FOCAD: variants seen among roughly 807,000 people sequenced by gnomAD.
FOCAD encodes the protein KIAA1797.
In FOCAD, 198 loss-of-function variants were observed where a neutral mutation model predicts 225.6. The ratio of observed to expected loss-of-function variants is 0.88; its 90% confidence interval spans 0.78 to 0.99. The LOEUF is 0.99. FOCAD is among the 50% of genes least tolerant of loss of function. The probability of loss-of-function intolerance (pLI) is 0.00; values close to 1 mark genes in which losing one functional copy is unlikely to be tolerated. For synonymous variants in FOCAD, 897 were observed against 755.0 expected, an observed-to-expected ratio of 1.19 and a Z score of -3.08; for missense variants, 2,713 against 2,123.6, an observed-to-expected ratio of 1.28 and a Z score of -5.46.
chr9:20,877,076 T>C (rs1041524998), intron 19 of FOCAD, among the ~76,000 whole-genome samples: 10 of 152,178 alleles, frequency 6.6e-5, no homozygotes, highest in Non-Finnish European at 1.3e-4. Context: ...CACATAACCA[T>C]AGTATGATAT....
intron 5 of FOCAD, among the ~76,000 whole-genome samples, chr9:20,753,774 C>A (rs1312887323): frequency 6.6e-6 from 1 of 151,820 alleles, no homozygotes; most frequent in Non-Finnish European, 1.5e-5. Flanking sequence ...TGTTCTGTAG[C>A]CACTGCATAT....
intron 24 of FOCAD, among the ~76,000 whole-genome samples, chr9:20,923,442 A>G (rs1834638802): frequency 6.6e-6 from 1 of 152,218 alleles, no homozygotes. Context: ...AGGCATAATG[A>G]CCCATACTAC....
intron 2 of FOCAD, among the ~76,000 whole-genome samples, chr9:20,671,962 G>A (rs1822076650): frequency 1.3e-5 from 2 of 151,744 alleles, no homozygotes. Context: ...TTACACCACA[G>A]AAATCAGCAA....
At chr9:20,956,657 C>G (rs1321149717) in intron 35 of FOCAD, among the ~76,000 whole-genome samples, 1 of 152,126 alleles carries the variant, frequency 6.6e-6, no homozygotes, top group Non-Finnish European at 1.5e-5. Context: ...GCATTGGTTT[C>G]TGGACATTTG....
At chr9:20,965,985 T>C (rs1005263608) in intron 35 of FOCAD, among the ~76,000 whole-genome samples, 5 of 152,204 alleles carry the variant, frequency 3.3e-5, no homozygotes, top group East Asian at 1.9e-4. Flanking sequence ...GATGCTGTTA[T>C]GAATATTTGT....
chr9:20,929,126 G>T, intron 26 of FOCAD: 1 of 444,548 alleles, frequency 2.2e-6, no homozygotes, highest in Non-Finnish European at 4.0e-6. Flanking sequence ...CTTGTAATTT[G>T]GTTTTTCAGA....
At chr9:20,663,253 A>C (rs1821788971) in intron 2 of FOCAD, among the ~76,000 whole-genome samples, 1 of 152,062 alleles carries the variant, frequency 6.6e-6, no homozygotes, top group African/African-American at 2.4e-5. Flanking sequence ...TTAGTCAGAC[A>C]TGGTGGCACA....
chr9:20,862,615 C>A lies in FOCAD; in HGVS notation c.1958C>A (p.Pro653Gln), dbSNP rs560989479. ...CIRSTWNALSPKLSCDTRPLI... is the reference protein window; with the variant it reads ...CIRSTWNALSQKLSCDTRPLI... ...CGCTCCACTTGGAATGCTCTCTCTC[C>A]AAAGCTGAGTTGTGACACAAGACCT... Residue 653 changes from proline to glutamine, a missense_variant, in exon 16 of 44, where the codon CCA becomes CAA. Transcript: ENST00000338382. 5.0e-6 allele frequency: 8 copies of A among 1,613,450 alleles called. No homozygotes were observed. Among genetic ancestry groups the A allele is most frequent in the African/African-American group, 1.3e-5 (1 of 75,012 alleles).
chr9:20,802,292 A>AAT lies in FOCAD; in HGVS notation c.1455+12697_1455+12698dup, dbSNP rs368989063. Among the ~76,000 whole-genome samples the AAT allele has an allele frequency of 9.3e-4, 141 of 151,434 alleles. 1 individual carries two copies. Among genetic ancestry groups the AAT allele is most frequent in the African/African-American group, 1.1e-3 (46 of 41,348 alleles). ...TGTCTCTAAAGAAAACAAGCATGTA[A>AAT]ATATATATATATATGACTTGAATTT... On this transcript the variant is annotated intron_variant, in intron 11 of 43. Coordinates refer to ENST00000338382, the MANE Select transcript of FOCAD (RefSeq NM_001375567.1).
chr9:20,839,073 A>G (rs980047194), intron 15 of FOCAD, among the ~76,000 whole-genome samples: 1 of 151,898 alleles, frequency 6.6e-6, no homozygotes, highest in African/African-American at 2.4e-5. Flanking sequence ...AGAATACAGC[A>G]TTCCCTAGGA....
chr9:20,730,866 A>G (rs1312914951), intron 4 of FOCAD, among the ~76,000 whole-genome samples: 1 of 152,156 alleles, frequency 6.6e-6, no homozygotes, highest in East Asian at 1.9e-4. Flanking sequence ...CAGGAATCTT[A>G]AGTTGGTTTT....
intron 15 of FOCAD, among the ~76,000 whole-genome samples, chr9:20,845,442 GATATATATATATAT>G (rs3086547): frequency 1.6e-5 from 2 of 121,236 alleles, no homozygotes; most frequent in Non-Finnish European, 3.4e-5. Context: ...TCTTTTCCTC[GATATATATATATAT>G]ATATATATAT....
intron 15 of FOCAD, among the ~76,000 whole-genome samples, chr9:20,836,816 G>T (rs1239363175): frequency 1.3e-5 from 2 of 151,838 alleles, no homozygotes; most frequent in East Asian, 3.9e-4. Context: ...TATATGAAAC[G>T]GGTAGGGAAT....
At chr9:20,856,642 G>GT (rs1445439728) in intron 15 of FOCAD, among the ~76,000 whole-genome samples, 1 of 151,866 alleles carries the variant, frequency 6.6e-6, no homozygotes, top group African/African-American at 2.4e-5. Flanking sequence ...TACTTTGGAG[G>GT]TATTACTCAA....
upstream of FOCAD, among the ~76,000 whole-genome samples, chr9:20,679,839 G>A (rs906819336): frequency 2.6e-5 from 4 of 152,162 alleles, no homozygotes; most frequent in Admixed American, 6.5e-5. Context: ...TGAAATTTGC[G>A]TCTGAGCTGG....
intron 11 of FOCAD, among the ~76,000 whole-genome samples, chr9:20,808,936 G>A (rs1822753444): frequency 6.6e-6 from 1 of 152,048 alleles, no homozygotes; most frequent in African/African-American, 2.4e-5. Flanking sequence ...ACATATAATA[G>A]TAATATGTAA....
At chr9:20,790,597 C>G (rs546102125) in intron 11 of FOCAD, among the ~76,000 whole-genome samples, 4 of 152,174 alleles carry the variant, frequency 2.6e-5, no homozygotes, top group African/African-American at 9.6e-5. Context: ...CATGGCGAAA[C>G]CTTGTTTCTA....
chr9:20,716,570 A>G (rs1172130578), intron 2 of FOCAD, among the ~76,000 whole-genome samples: 1 of 152,148 alleles, frequency 6.6e-6, no homozygotes, highest in Non-Finnish European at 1.5e-5. Context: ...TTTTCTAGAT[A>G]TGAACTATAG....
Position 20,823,060 on chromosome 9 carries a change from A to C in FOCAD, c.1865A>C (p.Gln622Pro), listed in dbSNP as rs1208695564. 1.2e-6 allele frequency: 2 copies of C among 1,609,884 alleles called. No individual in the cohort carries two copies. The highest frequency in any genetic ancestry group is 2.7e-5 in the African/African-American group (2 of 74,638). ...QVLNECTKPD[Q>P]ATPAALVLQG... is the part of the protein sequence containing the mutation. ...TTGAATGAATGCACCAAGCCTGATCAAGCTACTCCAGCAGCCTTGGTATTA... is the reference window on the plus strand; with the variant it reads ...TTGAATGAATGCACCAAGCCTGATCCAGCTACTCCAGCAGCCTTGGTATTA... The change falls in exon 15 of 44, where the codon CAA (glutamine) becomes CCA (proline). Residue 622 changes from glutamine to proline, a missense_variant. Physicochemically the swap from Gln to Pro is moderately conservative, Grantham distance 76 (BLOSUM62 -1). Coordinates refer to ENST00000338382, the MANE Select transcript of FOCAD (RefSeq NM_001375567.1).
Sources: gnomAD v4.1 joint callset for allele counts (sites outside exome capture counted in the v4.1 genomes callset) on GRCh38, gnomAD v4.1.1 for gene constraint, MANE v1.5 for transcripts, NCBI Gene and HGNC (gene_info 2026-07-23, HGNC 2026-07-21) for gene names.